HCN1: variants seen among roughly 807,000 people sequenced by gnomAD.
HCN1 encodes hyperpolarization activated cyclic nucleotide gated potassium channel 1.
In HCN1, 13 loss-of-function variants were observed where a neutral mutation model predicts 78.9. The ratio of observed to expected loss-of-function variants is 0.16; its 90% CI spans 0.11 to 0.26. The LOEUF (loss-of-function observed/expected upper bound fraction) is 0.26, where lower values mean the gene tolerates loss of function less well. Among genes scored for constraint, HCN1 ranks in the 10% least tolerant of loss-of-function variants. The probability of loss-of-function intolerance (pLI) is 1.00; values close to 1 mark genes in which losing one functional copy is unlikely to be tolerated. For missense variants in HCN1, 810 were observed against 1,154.3 expected (o/e 0.70, Z 4.32); for synonymous variants, 552 against 455.5 (o/e 1.21, Z -2.70).
intron 2 of HCN1, among the ~76,000 whole-genome samples, chr5:45,632,576 A>T (rs1745287816): frequency 6.6e-6 from 1 of 152,090 alleles, no homozygotes; most frequent in Non-Finnish European, 1.5e-5. Flanking sequence ...CACTTATTAG[A>T]AAATAGGTAT....
In HCN1 at chr5:45,696,048, C is replaced by T. The variant is rs1283834151; in HGVS notation, c.46G>A (p.Asp16Asn). 1.5e-6 allele frequency: 2 copies of T among 1,349,494 alleles called. No homozygotes were observed. Among genetic ancestry groups the T allele is most frequent in the South Asian group, 1.5e-5 (1 of 66,376 alleles). The allele number at this position is 1,349,494 out of a possible 1,614,324, so 83.6% of individuals were successfully genotyped here. Residue 16 changes from aspartate (D) to asparagine (N), a missense_variant, in exon 1 of 8, where the codon GAT (aspartate) becomes AAT (asparagine). Asp to Asn is a conservative substitution (Grantham distance 23). Transcript: ENST00000303230. ...TTGGCGGGGAAGACGCTGTTGCCAT[C>T]GTCCCGGCTGTTAGACGAAGAGTTG... is the stretch of plus-strand genomic sequence containing the variant. ...KPNSSSNSRD[D>N]GNSVFPAKAS...
intron 2 of HCN1, among the ~76,000 whole-genome samples, chr5:45,584,249 C>T (rs868493175): frequency 1.3e-5 from 2 of 152,040 alleles, no homozygotes; most frequent in Non-Finnish European, 2.9e-5. Flanking sequence ...ATAGTTAGCT[C>T]TTCTTGTTGA....
At chr5:45,635,295 T>C (rs1745336675) in intron 2 of HCN1, among the ~76,000 whole-genome samples, 1 of 152,028 alleles carries the variant, frequency 6.6e-6, no homozygotes, top group African/African-American at 2.4e-5. Flanking sequence ...ATACTCCTGA[T>C]TCTCATTTCA....
rs1036272732 is a variant in HCN1 at position 45,375,342 on chromosome 5, TATATA to T, written c.1230+21145_1230+21149del. 1.1e-4 allele frequency among the ~76,000 whole-genome samples: 14 copies of T among 124,626 alleles called. No individual in the cohort carries two copies. The South Asian group carries it at 2.1e-3, about 19-fold the overall frequency. 81.8% of individuals were successfully genotyped at this position (124,626 alleles called of 152,430 possible). The stretch of plus-strand genomic sequence containing the variant: ...ATATAATATTTTATGATATACAATA[TATATA>T]ATATAATATTTTATGATATACAATA... On this transcript the variant is annotated intron_variant, in intron 4 of 7. Transcript: ENST00000303230.
intron 2 of HCN1, among the ~76,000 whole-genome samples, chr5:45,623,419 T>G (rs1230963621): frequency 6.6e-6 from 1 of 152,176 alleles, no homozygotes; most frequent in Non-Finnish European, 1.5e-5. Flanking sequence ...TCTCTGAGAC[T>G]TTCATAAATA....
chr5:45,403,198 A>T (rs1579871353), intron 3 of HCN1, among the ~76,000 whole-genome samples: 1 of 152,238 alleles, frequency 6.6e-6, no homozygotes, highest in Middle Eastern at 3.4e-3. Flanking sequence ...AGTGAACCAT[A>T]ACAAAGGAAA....
At chr5:45,689,318 C>A (rs1389608272) in intron 1 of HCN1, among the ~76,000 whole-genome samples, 1 of 151,886 alleles carries the variant, frequency 6.6e-6, no homozygotes, top group African/African-American at 2.4e-5. Flanking sequence ...AAAAATGAAG[C>A]CTCTAAGAAA....
At chr5:45,447,933 G>A (rs1032931380) in intron 3 of HCN1, among the ~76,000 whole-genome samples, 3 of 151,406 alleles carry the variant, frequency 2.0e-5, no homozygotes, top group Admixed American at 6.6e-5. Flanking sequence ...GTTATGACTT[G>A]TTTCATTAAA....
chr5:45,470,610 GC>G (rs1741371579), intron 2 of HCN1, among the ~76,000 whole-genome samples: 1 of 151,882 alleles, frequency 6.6e-6, no homozygotes, highest in Non-Finnish European at 1.5e-5. Flanking sequence ...CACCTTAAGT[GC>G]CAAAAATACT....
rs760066556 is a variant in HCN1 at position 45,262,878 on chromosome 5, TG to T, written c.1784-69del. The T allele has an allele frequency of 3.0e-4, 459 of 1,547,418 alleles. 1 individual carries two copies. Among genetic ancestry groups the T allele is most frequent in the Non-Finnish European group, 3.6e-4 (404 of 1,128,460 alleles). ...GACTGATGACAACGCCAAGTGAGAG[TG>T]GCTCCTGCAAACAGAAGTATAGCTG... On this transcript the variant is annotated intron_variant, in intron 7 of 7. Coordinates refer to ENST00000303230, the MANE Select transcript of HCN1 (RefSeq NM_021072.4).
intron 2 of HCN1, among the ~76,000 whole-genome samples, chr5:45,547,606 G>A (rs1455553933): frequency 6.6e-6 from 1 of 151,804 alleles, no homozygotes; most frequent in Non-Finnish European, 1.5e-5. Context: ...CTGAGCCCAA[G>A]TGCAGAACAA....
intron 2 of HCN1, among the ~76,000 whole-genome samples, chr5:45,491,475 A>C: frequency 6.6e-6 from 1 of 152,152 alleles, no homozygotes; most frequent in East Asian, 1.9e-4. Context: ...TTGTGCGCTC[A>C]AGTATTCACA....
chr5:45,671,220 C>T (rs2112075432), intron 1 of HCN1, among the ~76,000 whole-genome samples: 1 of 151,506 alleles, frequency 6.6e-6, no homozygotes, highest in Non-Finnish European at 1.5e-5. Context: ...TCTCCAAACT[C>T]CATTACCCAA....
intron 5 of HCN1, among the ~76,000 whole-genome samples, chr5:45,319,540 C>A (rs1179900021): frequency 6.6e-6 from 1 of 151,606 alleles, no homozygotes; most frequent in African/African-American, 2.4e-5. Context: ...AAAGAGTTTC[C>A]CCCTTTTTCT....
intron 2 of HCN1, among the ~76,000 whole-genome samples, chr5:45,501,225 G>C (rs1393836800): frequency 6.6e-6 from 1 of 152,036 alleles, no homozygotes; most frequent in Non-Finnish European, 1.5e-5. Context: ...TATTATACTT[G>C]AGAGAAAATA....
intron 1 of HCN1, among the ~76,000 whole-genome samples, chr5:45,661,217 C>A (rs1408634492): frequency 1.7e-5 from 2 of 116,226 alleles, no homozygotes; most frequent in Non-Finnish European, 3.5e-5. Context: ...GGGTACATAA[C>A]GAAATGAAGG....
chr5:45,592,529 C>T (rs1027109255), intron 2 of HCN1, among the ~76,000 whole-genome samples: 3 of 151,938 alleles, frequency 2.0e-5, no homozygotes, highest in Non-Finnish European at 4.4e-5. Flanking sequence ...ATTTCTAGGC[C>T]TTTTCTGAAT....
chr5:45,389,293 G>T (rs1747991870), intron 4 of HCN1, among the ~76,000 whole-genome samples: 2 of 151,704 alleles, frequency 1.3e-5, no homozygotes, highest in South Asian at 4.2e-4. Context: ...TCATCTTTCA[G>T]GTCTCTTCTC....
intron 2 of HCN1, among the ~76,000 whole-genome samples, chr5:45,632,478 G>A (rs974865947): frequency 5.3e-5 from 8 of 152,090 alleles, no homozygotes; most frequent in Admixed American, 3.9e-4. Flanking sequence ...AAAATTCATA[G>A]TATTAGCAAG....
Sources: gnomAD v4.1 joint callset for allele counts (sites outside exome capture counted in the v4.1 genomes callset) on GRCh38, gnomAD v4.1.1 for gene constraint, MANE v1.5 for transcripts, NCBI Gene and HGNC (gene_info 2026-07-23, HGNC 2026-07-21) for gene names.